Variants in MGMT observed in about 807,000 individuals in gnomAD.
MGMT encodes the protein methylated-DNA--protein-cysteine methyltransferase.
Under a neutral mutation model 15.9 loss-of-function variants are expected in MGMT, and 14 were observed. That is an observed-to-expected ratio of 0.88 (90% CI 0.58 to 1.37). The LOEUF (loss-of-function observed/expected upper bound fraction) is 1.37, where lower values mean the gene tolerates loss of function less well. Ranked by LOEUF, MGMT falls within the 40% of genes most tolerant of loss-of-function variation. The pLI, the probability that MGMT is intolerant of heterozygous loss-of-function variation, is 0.00. For missense variants in MGMT, 282 were observed against 268.1 expected (o/e 1.05, Z -0.36); for synonymous variants, 130 against 118.2 (o/e 1.10, Z -0.65).
intron 2 of MGMT, among the ~76,000 whole-genome samples, chr10:129,610,711 G>C (rs2133068113): frequency 6.6e-6 from 1 of 152,344 alleles, no homozygotes; most frequent in South Asian, 2.1e-4. Context: ...GAGTTGAATA[G>C]TTGCAATAAA....
chr10:129,567,089 A>G (rs1846363446), intron 2 of MGMT, among the ~76,000 whole-genome samples: 1 of 152,004 alleles, frequency 6.6e-6, no homozygotes, highest in Non-Finnish European at 1.5e-5. Context: ...CGGAAAAGGG[A>G]TCCTTAGAGC....
intron 2 of MGMT, among the ~76,000 whole-genome samples, chr10:129,599,891 C>T (rs934903245): frequency 1.3e-5 from 2 of 152,198 alleles, no homozygotes; most frequent in Non-Finnish European, 2.9e-5. Flanking sequence ...GATCAAGTGT[C>T]ATATTAACTG....
chr10:129,491,256 C>T (rs1266145827), intron 1 of MGMT, among the ~76,000 whole-genome samples: 2 of 152,060 alleles, frequency 1.3e-5, no homozygotes, highest in African/African-American at 2.4e-5. Flanking sequence ...AATTCTTTAC[C>T]TTATAAAATA....
chr10:129,704,151 A>G (rs1589946880), intron 2 of MGMT, among the ~76,000 whole-genome samples: 1 of 152,222 alleles, frequency 6.6e-6, no homozygotes, highest in East Asian at 1.9e-4. Context: ...CAAGAATTGA[A>G]TGACTGAAGG....
intron 2 of MGMT, among the ~76,000 whole-genome samples, chr10:129,621,896 A>T (rs1847094957): frequency 6.6e-6 from 1 of 152,228 alleles, no homozygotes; most frequent in East Asian, 1.9e-4. Context: ...TCTAACTCTT[A>T]GAATTTGTTA....
intron 2 of MGMT, chr10:129,700,496 T>A (rs928362798): frequency 1.2e-4 from 19 of 152,316 alleles, no homozygotes; most frequent in African/African-American, 4.6e-4. Flanking sequence ...GCGGAAGTGC[T>A]GTTTCTGATG....
chr10:129,611,748 GC>G (rs1404467852), intron 2 of MGMT, among the ~76,000 whole-genome samples: 2 of 152,160 alleles, frequency 1.3e-5, no homozygotes, highest in African/African-American at 2.4e-5. Context: ...CTCTGGGGGG[GC>G]CATAACCTTG....
At chr10:129,469,659 T>G (rs1382122898) in intron 1 of MGMT, among the ~76,000 whole-genome samples, 3 of 152,118 alleles carry the variant, frequency 2.0e-5, no homozygotes, top group African/African-American at 7.2e-5. Flanking sequence ...GGACAAGTAG[T>G]TTTTAATGCA....
Position 129,768,176 on chromosome 10 carries a change from G to C in MGMT, c.*1179G>C, listed in dbSNP as rs547402781. On this transcript the variant is annotated 3_prime_UTR_variant, in exon 5 of 5. Coordinates refer to ENST00000651593, the MANE Select transcript of MGMT (RefSeq NM_002412.5). ...CTGGATGAAAATGTGGCCTCACGAT[G>C]TGTATGGTTGGGACCCGCCTTCTAT... Among the ~76,000 whole-genome samples, 91 of 152,358 alleles carry C rather than the reference G, an allele frequency of 6.0e-4. No homozygotes were observed. The highest frequency in any genetic ancestry group is 4.3e-3 in the South Asian group (21 of 4,828).
intron 4 of MGMT, among the ~76,000 whole-genome samples, chr10:129,764,176 T>A (rs1281231101): frequency 6.6e-6 from 1 of 152,208 alleles, no homozygotes; most frequent in Non-Finnish European, 1.5e-5. Context: ...TTAACAGCTT[T>A]ATGAACTTGG....
chr10:129,494,558 A>G (rs1845501857), intron 1 of MGMT, among the ~76,000 whole-genome samples: 1 of 152,220 alleles, frequency 6.6e-6, no homozygotes, highest in South Asian at 2.1e-4. Context: ...CAATGATGGA[A>G]ATGTTCTGTG....
At chr10:129,606,290 C>A (rs574378797) in intron 2 of MGMT, among the ~76,000 whole-genome samples, 1 of 152,320 alleles carries the variant, frequency 6.6e-6, no homozygotes, top group South Asian at 2.1e-4. Context: ...GCGCTCCGTT[C>A]CTGTTTATAC....
At chr10:129,735,582 T>A (rs1349104945) in intron 3 of MGMT, among the ~76,000 whole-genome samples, 2 of 148,686 alleles carry the variant, frequency 1.3e-5, no homozygotes, top group East Asian at 4.0e-4. Flanking sequence ...CTGATTTTAG[T>A]TATTTCTTGC....
At chr10:129,589,301 T>G (rs1003830853) in intron 2 of MGMT, among the ~76,000 whole-genome samples, 4 of 152,102 alleles carry the variant, frequency 2.6e-5, no homozygotes, top group African/African-American at 9.7e-5. Context: ...CTGGCTGGGG[T>G]GGGGACAAAG....
intron 2 of MGMT, among the ~76,000 whole-genome samples, chr10:129,628,859 A>G (rs1564741955): frequency 1.3e-5 from 2 of 152,198 alleles, no homozygotes; most frequent in African/African-American, 4.8e-5. Flanking sequence ...GTTTTTCACG[A>G]GACAGAAAAA....
intron 4 of MGMT, among the ~76,000 whole-genome samples, chr10:129,760,215 C>T (rs909301146): frequency 2.0e-5 from 3 of 152,238 alleles, no homozygotes; most frequent in African/African-American, 2.4e-5. Flanking sequence ...TAAGTCACAG[C>T]ATGCCATGTG....
rs1845572985 is a variant in MGMT at position 129,501,358 on chromosome 10, G to A, written c.-13+34062G>A. Reference sequence around the variant, plus strand: ...ACCTCCACATATGTCCATGATGAGGGACAGCAGTCATCCCTTTCAAGACCG... The same window carrying A: ...ACCTCCACATATGTCCATGATGAGGAACAGCAGTCATCCCTTTCAAGACCG... On this transcript the variant is annotated intron_variant, in intron 1 of 4. Coordinates refer to ENST00000651593, the MANE Select transcript of MGMT (RefSeq NM_002412.5). Among the ~76,000 whole-genome samples, 3 of 152,172 alleles carry A rather than the reference G, an allele frequency of 2.0e-5. No homozygotes were observed. The South Asian group carries it at 6.2e-4, about 31-fold the overall frequency.
intron 2 of MGMT, among the ~76,000 whole-genome samples, chr10:129,674,576 C>G (rs1847763313): frequency 6.6e-6 from 1 of 152,204 alleles, no homozygotes; most frequent in Non-Finnish European, 1.5e-5. Context: ...TTTGGTAACC[C>G]AGATACCAAA....
At chr10:129,672,023 T>G (rs1406266664) in intron 2 of MGMT, among the ~76,000 whole-genome samples, 1 of 152,254 alleles carries the variant, frequency 6.6e-6, no homozygotes, top group Admixed American at 6.5e-5. Flanking sequence ...CTTTAAGAAA[T>G]GCACATCTAC....
Sources: allele counts gnomAD v4.1 joint callset (sites outside exome capture counted in the v4.1 genomes callset), GRCh38; gene constraint gnomAD v4.1.1; transcripts MANE v1.5; gene names NCBI Gene and HGNC (gene_info 2026-07-23, HGNC 2026-07-21).